CELF4: variants seen among roughly 807,000 people sequenced by gnomAD.
CELF4 encodes CUGBP Elav-like family member 4.
A neutral mutation model predicts 59.9 loss-of-function variants in CELF4; 18 were observed. The observed-to-expected ratio is 0.30, with a 90% CI of 0.21 to 0.45. The LOEUF (loss-of-function observed/expected upper bound fraction) is 0.45. Ranked by LOEUF, CELF4 falls within the 20% of genes least tolerant of loss-of-function variation. The pLI, the probability that CELF4 is intolerant of heterozygous loss-of-function variation, is 1.00. For missense variants in CELF4, 456 were observed against 689.0 expected (o/e 0.66, Z 3.79); for synonymous variants, 261 against 267.1 (o/e 0.98, Z 0.22).
intron 1 of CELF4, among the ~76,000 whole-genome samples, chr18:37,511,251 G>T: frequency 6.6e-6 from 1 of 152,160 alleles, no homozygotes; most frequent in Admixed American, 6.5e-5. Flanking sequence ...GCCCTCCACA[G>T]GCAGGCTCTT....
At chr18:37,381,794 C>T (rs1056378944) in intron 2 of CELF4, among the ~76,000 whole-genome samples, 1 of 152,164 alleles carries the variant, frequency 6.6e-6, no homozygotes, top group Non-Finnish European at 1.5e-5. Flanking sequence ...CTGGCTTGGC[C>T]CACTACCTGC....
intron 1 of CELF4, among the ~76,000 whole-genome samples, chr18:37,509,584 A>AGACAGACAAGTCAGTTTGGACAT (rs1178760516): frequency 2.6e-5 from 4 of 152,276 alleles, no homozygotes. Flanking sequence ...GGGGACCTTG[A>AGACAGACAAGTCAGTTTGGACAT]GACAGACAAG....
At chr18:37,356,951 A>G (rs2098599047) in intron 2 of CELF4, among the ~76,000 whole-genome samples, 1 of 151,996 alleles carries the variant, frequency 6.6e-6, no homozygotes, top group African/African-American at 2.4e-5. Context: ...AGAGGCCTGT[A>G]CTCTGCCCCT....
In CELF4 at chr18:37,298,924, G is replaced by A. The variant is rs189684119; in HGVS notation, c.448+22879C>T. 9.0e-4 allele frequency among the ~76,000 whole-genome samples: 137 copies of A among 152,308 alleles called. 1 individual carries two copies. Among genetic ancestry groups the A allele is most frequent in the African/African-American group, 2.7e-3 (113 of 41,576 alleles). ...AGCATACTTTCTGCTCTCTTCCCTA[G>A]CTTGTAAGTCCCAGTAGGGCAGCGG... On this transcript the variant is annotated intron_variant, in intron 3 of 12. Coordinates refer to ENST00000420428, the MANE Select transcript of CELF4 (RefSeq NM_020180.4).
chr18:37,478,034 C>T (rs1284025705), intron 2 of CELF4, among the ~76,000 whole-genome samples: 2 of 152,214 alleles, frequency 1.3e-5, no homozygotes, highest in African/African-American at 4.8e-5. Flanking sequence ...ACATATCTGA[C>T]CCACGCTTTA....
intron 2 of CELF4, among the ~76,000 whole-genome samples, chr18:37,339,837 A>G (rs1388898016): frequency 6.6e-6 from 1 of 151,766 alleles, no homozygotes; most frequent in Non-Finnish European, 1.5e-5. Context: ...CCAATGAATG[A>G]ACACATAGCA....
intron 2 of CELF4, among the ~76,000 whole-genome samples, chr18:37,365,455 A>C (rs1041753098): frequency 2.0e-5 from 3 of 148,900 alleles, no homozygotes; most frequent in African/African-American, 7.4e-5. Context: ...GAATTTCTTC[A>C]CAGATCCCTG....
chr18:37,380,251 C>T (rs1014528101), intron 2 of CELF4, among the ~76,000 whole-genome samples: 1 of 152,212 alleles, frequency 6.6e-6, no homozygotes. Context: ...ACTCCCCCAA[C>T]TCCCCACTTT....
chr18:37,289,160 G>A lies in CELF4; in HGVS notation c.449-13917C>T, dbSNP rs143634517. Among the ~76,000 whole-genome samples the A allele has an allele frequency of 1.1e-4, 16 of 152,188 alleles. No individual in the cohort carries two copies. In the East Asian group the frequency reaches 3.1e-3, roughly 30 times the overall value. On this transcript the variant is annotated intron_variant, in intron 3 of 12. Transcript: ENST00000420428. ...CTGTGGAGGGCAGACCATGATGGGG[G>A]ATCGTGGGGTGAGAAGGGATGGGGG...
rs749282384 is a variant in CELF4, at chr18:37,275,149, G to A, written c.543C>T (p.Cys181=). The change falls in exon 4 of 13, where the codon TGC becomes TGT. Residue 181 remains cysteine (C), a synonymous_variant. Coordinates refer to ENST00000420428, the MANE Select transcript of CELF4 (RefSeq NM_020180.4). ...LFEAFGNIEE[C]TILRGPDGNS... The stretch of plus-strand genomic sequence containing the variant: ...TGCCGTCGGGCCCGCGCAGGATGGT[G>A]CACTCCTCGATGTTCCCAAAGGCCT... 6.2e-7 allele frequency: 1 copy of A among 1,613,460 alleles called. No homozygotes were observed. The highest frequency in any genetic ancestry group is 8.5e-7 in the Non-Finnish European group (1 of 1,179,862).
chr18:37,424,671 C>T (rs1479591875), intron 2 of CELF4, among the ~76,000 whole-genome samples: 1 of 152,158 alleles, frequency 6.6e-6, no homozygotes, highest in East Asian at 1.9e-4. Context: ...GGATCAGAGG[C>T]CGAGGGAGCA....
intron 10 of CELF4, among the ~76,000 whole-genome samples, chr18:37,264,217 G>A (rs1326005685): frequency 1.3e-5 from 2 of 152,228 alleles, no homozygotes; most frequent in Non-Finnish European, 2.9e-5. Context: ...GACAAGGCCT[G>A]CACTGGTACA....
intron 2 of CELF4, among the ~76,000 whole-genome samples, chr18:37,344,945 C>T (rs1422518035): frequency 1.1e-4 from 17 of 152,194 alleles, no homozygotes; most frequent in Admixed American, 1.1e-3. Context: ...CTGATCCCAT[C>T]AATGCCTGTA....
chr18:37,394,610 A>G (rs2099217505), intron 2 of CELF4, among the ~76,000 whole-genome samples: 2 of 152,324 alleles, frequency 1.3e-5, no homozygotes, highest in Non-Finnish European at 2.9e-5. Flanking sequence ...TTAGAGACAC[A>G]GATGTCTTCA....
intron 3 of CELF4, among the ~76,000 whole-genome samples, chr18:37,282,764 G>T (rs1245423138): frequency 6.6e-6 from 1 of 152,130 alleles, no homozygotes; most frequent in Non-Finnish European, 1.5e-5. Flanking sequence ...ATGTGACCAG[G>T]CTGGCCATCC....
In CELF4 at chr18:37,291,652, A is replaced by G. The variant is rs2095339596; in HGVS notation, c.449-16409T>C. On this transcript the variant is annotated intron_variant, in intron 3 of 12. Transcript: ENST00000420428. ...GGGCATGAGGCCACGGGTTTTTAGA[A>G]TCCTTTTGATTTGTAGAATCCTTTC... Among the ~76,000 whole-genome samples, 3 of 152,040 alleles carry G rather than the reference A, an allele frequency of 2.0e-5. No homozygotes were observed. In the South Asian group the frequency reaches 6.2e-4, roughly 32 times the overall value.
At chr18:37,281,942 G>A (rs907913823) in intron 3 of CELF4, among the ~76,000 whole-genome samples, 1 of 152,190 alleles carries the variant, frequency 6.6e-6, no homozygotes, top group African/African-American at 2.4e-5. Context: ...AAGGGACAGG[G>A]AGACACACCT....
At chr18:37,372,452 C>G (rs758902459) in intron 2 of CELF4, among the ~76,000 whole-genome samples, 2 of 152,088 alleles carry the variant, frequency 1.3e-5, no homozygotes, top group Non-Finnish European at 2.9e-5. Flanking sequence ...GGACACAGGG[C>G]AGGGAACATC....
chr18:37,448,267 C>A (rs557596233), intron 2 of CELF4, among the ~76,000 whole-genome samples: 1 of 152,286 alleles, frequency 6.6e-6, no homozygotes, highest in Admixed American at 6.5e-5. Context: ...CCGGGCAGTT[C>A]TCCAGGAATG....
Sources: allele counts gnomAD v4.1 joint callset (sites outside exome capture counted in the v4.1 genomes callset), GRCh38; gene constraint gnomAD v4.1.1; transcripts MANE v1.5; gene names NCBI Gene and HGNC (gene_info 2026-07-23, HGNC 2026-07-21).